PAPPA2: variants seen among roughly 807,000 people sequenced by gnomAD.
PAPPA2 encodes the protein pappalysin 2, also known as pappalysin-2.
A neutral mutation model predicts 176.4 loss-of-function variants in PAPPA2; 86 were observed. The observed-to-expected ratio is 0.49, with a 90% CI of 0.41 to 0.58. The LOEUF is 0.58. Ranked by LOEUF, PAPPA2 falls within the 20% of genes least tolerant of loss-of-function variation. The probability of loss-of-function intolerance (pLI) is 0.00; values close to 1 mark genes in which losing one functional copy is unlikely to be tolerated. For synonymous variants in PAPPA2, 809 were observed against 852.2 expected, an observed-to-expected ratio of 0.95 and a Z score of 0.88; for missense variants, 2,073 against 2,256.9, an observed-to-expected ratio of 0.92 and a Z score of 1.65.
Position 176,838,051 on chromosome 1 carries a change from G to C in PAPPA2, c.5203-2122G>C, listed in dbSNP as rs1304609492. ...ATTTCTTCTCTTTTCTATAAACTTC[G>C]TTCTCTTTCCAGATGACTCTTTAAG... On this transcript the variant is annotated intron_variant, in intron 21 of 22. Transcript: ENST00000367662. 2.0e-5 allele frequency among the ~76,000 whole-genome samples: 3 copies of C among 151,936 alleles called. No homozygotes were observed. The South Asian group carries it at 6.2e-4, about 32-fold the overall frequency.
At chr1:176,605,272 A>T (rs1386064433) in intron 3 of PAPPA2, among the ~76,000 whole-genome samples, 1 of 152,234 alleles carries the variant, frequency 6.6e-6, no homozygotes, top group Non-Finnish European at 1.5e-5. Flanking sequence ...GATGTTACAG[A>T]TTAGGCAAGA....
chr1:176,693,623 A>G (rs890742651), intron 6 of PAPPA2, among the ~76,000 whole-genome samples: 12 of 152,144 alleles, frequency 7.9e-5, no homozygotes, highest in African/African-American at 2.7e-4. Context: ...TCACAGTGGT[A>G]TTTCAGCCTC....
chr1:176,734,629 C>G (rs1204613298), intron 12 of PAPPA2, among the ~76,000 whole-genome samples: 1 of 152,056 alleles, frequency 6.6e-6, no homozygotes, highest in Admixed American at 6.6e-5. Flanking sequence ...CCCCCTTCAT[C>G]CATTAGATTT....
chr1:176,663,507 A>G (rs1440042253), intron 3 of PAPPA2, among the ~76,000 whole-genome samples: 2 of 152,172 alleles, frequency 1.3e-5, no homozygotes, highest in Non-Finnish European at 2.9e-5. Flanking sequence ...TATGTGTGAC[A>G]CTATAAAGTG....
intron 2 of PAPPA2, among the ~76,000 whole-genome samples, chr1:176,557,941 A>G (rs1190699607): frequency 6.6e-6 from 1 of 152,196 alleles, no homozygotes; most frequent in Non-Finnish European, 1.5e-5. Flanking sequence ...TTATAACTCC[A>G]TGATTTTGAT....
In PAPPA2 at chr1:176,711,989, G is replaced by A; in HGVS notation, c.3798+8G>A. ...GATGAGGTTTGGCTCAAAGTAAGTG[G>A]CCCAAATGTTTCTTTTGTGCATGTG... On this transcript the variant is annotated splice_region_variant and intron_variant, in intron 12 of 22. Transcript: ENST00000367662. 11 of 1,605,914 alleles carry A rather than the reference G, an allele frequency of 6.8e-6. No individual in the cohort carries two copies. The highest frequency in any genetic ancestry group is 9.4e-6 in the Non-Finnish European group (11 of 1,173,246).
chr1:176,825,594 G>A (rs1177642875), intron 21 of PAPPA2, among the ~76,000 whole-genome samples: 1 of 152,206 alleles, frequency 6.6e-6, no homozygotes, highest in Non-Finnish European at 1.5e-5. Flanking sequence ...GGGACGATGA[G>A]AAAAGAAAGG....
chr1:176,807,080 G>A (rs1005489019), intron 21 of PAPPA2, among the ~76,000 whole-genome samples: 1 of 152,176 alleles, frequency 6.6e-6, no homozygotes, highest in Admixed American at 6.5e-5. Context: ...GGATATGAGA[G>A]TCAGGACATG....
intron 3 of PAPPA2, among the ~76,000 whole-genome samples, chr1:176,669,781 C>A (rs561055361): frequency 6.6e-6 from 1 of 152,076 alleles, no homozygotes; most frequent in East Asian, 1.9e-4. Context: ...TGCTTTTTGC[C>A]AGCACATCCT....
Position 176,673,352 on chromosome 1 carries a change from T to C in PAPPA2, c.2137+2237T>C, listed in dbSNP as rs1433557128. Among the ~76,000 whole-genome samples, 3 of 152,202 alleles carry C rather than the reference T, an allele frequency of 2.0e-5. No homozygotes were observed. The East Asian group carries it at 5.8e-4, about 29-fold the overall frequency. Reference sequence around the variant, plus strand: ...GTCCATTTAATAGTGAGTATGGGTGTTTTGAGTTATGCTAATCAAAAGCAA... The same window carrying C: ...GTCCATTTAATAGTGAGTATGGGTGCTTTGAGTTATGCTAATCAAAAGCAA... On this transcript the variant is annotated intron_variant, in intron 4 of 22. Coordinates refer to ENST00000367662, the MANE Select transcript of PAPPA2 (RefSeq NM_020318.3).
intron 18 of PAPPA2, among the ~76,000 whole-genome samples, chr1:176,790,874 T>C (rs11810946): frequency 0.24 from 36,314 of 152,098 alleles, 5,209 homozygotes; most frequent in African/African-American, 0.39. Flanking sequence ...CTATGATGTG[T>C]CCATTTAAGC....
At chr1:176,785,818 C>T (rs185974900) in intron 17 of PAPPA2, among the ~76,000 whole-genome samples, 1 of 152,312 alleles carries the variant, frequency 6.6e-6, no homozygotes, top group African/African-American at 2.4e-5. Flanking sequence ...AATCGGCATT[C>T]TTGAATGGCT....
chr1:176,650,612 A>C (rs891446295), intron 3 of PAPPA2, among the ~76,000 whole-genome samples: 3 of 151,274 alleles, frequency 2.0e-5, no homozygotes, highest in African/African-American at 7.3e-5. Flanking sequence ...CATGTGTCCA[A>C]CTGTTCTCAT....
chr1:176,753,507 G>A (rs980645001), intron 14 of PAPPA2, among the ~76,000 whole-genome samples: 2 of 138,658 alleles, frequency 1.4e-5, no homozygotes, highest in Admixed American at 7.4e-5. Context: ...TATGTAGAAC[G>A]TTTGGATTAC....
intron 10 of PAPPA2, among the ~76,000 whole-genome samples, chr1:176,709,312 G>A (rs910577590): frequency 6.6e-6 from 1 of 151,964 alleles, no homozygotes; most frequent in Admixed American, 6.6e-5. Flanking sequence ...CTTACCTTTC[G>A]AGGGTCCTCT....
At chr1:176,841,221 G>C (rs541982675) in intron 22 of PAPPA2, among the ~76,000 whole-genome samples, 5 of 152,250 alleles carry the variant, frequency 3.3e-5, no homozygotes, top group African/African-American at 1.2e-4. Flanking sequence ...AGCTATCTCT[G>C]TGTAGGAAGA....
At chr1:176,468,094 A>T (rs1651709429) in intron 1 of PAPPA2, among the ~76,000 whole-genome samples, 1 of 152,146 alleles carries the variant, frequency 6.6e-6, no homozygotes, top group Non-Finnish European at 1.5e-5. Flanking sequence ...ATTTATCTCA[A>T]GGTTTGTGGA....
intron 9 of PAPPA2, among the ~76,000 whole-genome samples, chr1:176,705,301 C>T (rs1660831270): frequency 6.6e-6 from 1 of 152,128 alleles, no homozygotes; most frequent in African/African-American, 2.4e-5. Flanking sequence ...TCCAGCTTGC[C>T]ATTTAAAATA....
intron 3 of PAPPA2, among the ~76,000 whole-genome samples, chr1:176,601,283 C>A (rs898826984): frequency 2.6e-5 from 4 of 152,190 alleles, no homozygotes; most frequent in Admixed American, 1.3e-4. Flanking sequence ...GCCTCCAGAA[C>A]TGCAGGAAAT....
Sources: allele counts gnomAD v4.1 joint callset (sites outside exome capture counted in the v4.1 genomes callset), GRCh38; gene constraint gnomAD v4.1.1; transcripts MANE v1.5; gene names NCBI Gene and HGNC (gene_info 2026-07-23, HGNC 2026-07-21).